Variants in CATSPERE observed in about 807,000 individuals in gnomAD.
CATSPERE encodes the protein catsper channel auxiliary subunit epsilon.
CATSPERE carries 93 observed loss-of-function variants against 114.1 expected under a neutral mutation model. The observed-to-expected ratio is 0.81, with a 90% CI of 0.69 to 0.97. The LOEUF (loss-of-function observed/expected upper bound fraction) is 0.97, where lower values mean the gene tolerates loss of function less well. CATSPERE is among the 50% of genes least tolerant of loss of function. CATSPERE has a pLI of 0.00. For synonymous variants in CATSPERE, 341 were observed against 384.1 expected, an observed-to-expected ratio of 0.89 and a Z score of 1.31; for missense variants, 1,058 against 1,131.6, an observed-to-expected ratio of 0.93 and a Z score of 0.93.
intron 18 of CATSPERE, among the ~76,000 whole-genome samples, chr1:244,609,260 G>A (rs1670403780): frequency 6.6e-6 from 1 of 151,896 alleles, no homozygotes; most frequent in South Asian, 2.1e-4. Context: ...ATGAAATGTA[G>A]ATACAAAACA....
intron 19 of CATSPERE, 83 bp downstream of exon 19, chr1:244,610,409 A>G: frequency 1.1e-6 from 1 of 952,232 alleles, no homozygotes; most frequent in African/African-American, 1.6e-5. Flanking sequence ...TGATGGAAAC[A>G]TTTTGGATTT....
intron 21 of CATSPERE, among the ~76,000 whole-genome samples, chr1:244,637,032 T>G (rs1265496325): frequency 6.6e-6 from 1 of 151,838 alleles, no homozygotes; most frequent in African/African-American, 2.4e-5. Context: ...CCTCCCTCTC[T>G]CTCCTTGGGG....
intron 6 of CATSPERE, among the ~76,000 whole-genome samples, chr1:244,497,679 C>T (rs1344254930): frequency 1.3e-5 from 2 of 152,130 alleles, no homozygotes; most frequent in Non-Finnish European, 2.9e-5. Flanking sequence ...CACCTGTAAT[C>T]CCAGCTACTC....
At chr1:244,521,785 A>C (rs1677616634) in intron 8 of CATSPERE, among the ~76,000 whole-genome samples, 1 of 152,236 alleles carries the variant, frequency 6.6e-6, no homozygotes, top group Admixed American at 6.5e-5. Context: ...CTCATTGATG[A>C]ATACATGACC....
At chr1:244,512,295 C>G (rs372413388) in intron 7 of CATSPERE, among the ~76,000 whole-genome samples, 5 of 152,232 alleles carry the variant, frequency 3.3e-5, no homozygotes, top group Admixed American at 6.5e-5. Flanking sequence ...TTCAGAAATT[C>G]TTTCTTCTGC....
chr1:244,490,433 CT>C lies in CATSPERE; in HGVS notation c.327-9del. 1 of 1,534,924 alleles carries C rather than the reference CT, an allele frequency of 6.5e-7. No homozygotes were observed. Among genetic ancestry groups the C allele is most frequent in the Non-Finnish European group, 9.0e-7 (1 of 1,114,982 alleles). ...GGCTGTTTACTAAAATATGTTTCCTCTTTTTCCAAGCAGACATTTCTTTAAC... is the reference window on the plus strand; with the variant it reads ...GGCTGTTTACTAAAATATGTTTCCTCTTTTCCAAGCAGACATTTCTTTAAC... On this transcript the variant is annotated splice_polypyrimidine_tract_variant and intron_variant, in intron 5 of 21. Transcript: ENST00000366534.
At chr1:244,524,414 G>C (rs1337413748) in intron 8 of CATSPERE, among the ~76,000 whole-genome samples, 3 of 150,314 alleles carry the variant, frequency 2.0e-5, no homozygotes, top group Admixed American at 2.0e-4. Flanking sequence ...TTACCATTCA[G>C]GACATAGGCG....
At chr1:244,536,637 G>A (rs1418899680) in intron 8 of CATSPERE, among the ~76,000 whole-genome samples, 1 of 152,188 alleles carries the variant, frequency 6.6e-6, no homozygotes, top group Non-Finnish European at 1.5e-5. Context: ...ACCGAGATGG[G>A]GAAGGGGTGA....
chr1:244,540,046 A>G (rs561906936), intron 8 of CATSPERE, among the ~76,000 whole-genome samples: 40 of 151,388 alleles, frequency 2.6e-4, no homozygotes, highest in Middle Eastern at 3.4e-3. Flanking sequence ...CTCACAGCCA[A>G]TATCATACTG....
intron 13 of CATSPERE, 91 bp from the exon 14 acceptor site, chr1:244,588,391 T>A (rs1162571736): frequency 1.1e-6 from 1 of 933,708 alleles, no homozygotes; most frequent in Non-Finnish European, 1.8e-6. Context: ...GTTATTATTT[T>A]AAATCTAAAA....
chr1:244,557,003 T>C (rs928245357), intron 9 of CATSPERE, among the ~76,000 whole-genome samples: 2 of 152,224 alleles, frequency 1.3e-5, no homozygotes, highest in African/African-American at 4.8e-5. Flanking sequence ...TTGTGTTCTT[T>C]GCATTATTAA....
At chr1:244,598,416 G>C (rs145140247) in intron 17 of CATSPERE, 2,549 of 161,872 alleles carry the variant, frequency 0.016, 32 homozygotes, top group Non-Finnish European at 0.025. Flanking sequence ...AAATAAGGCA[G>C]TGACCAATTC....
In CATSPERE at chr1:244,633,949, A is replaced by G. The variant is rs561284705; in HGVS notation, c.2649-1540A>G. ...GTGCGATCTCCGCTCACTGCAACCT[A>G]CGCCTCCCGGTTCAAGCAATTCTCC... On this transcript the variant is annotated intron_variant, in intron 20 of 21. Coordinates refer to ENST00000366534, the MANE Select transcript of CATSPERE (RefSeq NM_001130957.2). This position sits in a 1 kb window ranked among gnomAD's most constrained non-coding sequence, Gnocchi z 4.1. Among the ~76,000 whole-genome samples, 45 of 148,574 alleles carry G rather than the reference A, an allele frequency of 3.0e-4. No homozygotes were observed. The highest frequency in any genetic ancestry group is 1.0e-3 in the African/African-American group (40 of 40,066).
At chr1:244,617,316 T>C (rs1347561085) in intron 19 of CATSPERE, among the ~76,000 whole-genome samples, 2 of 152,222 alleles carry the variant, frequency 1.3e-5, no homozygotes, top group Admixed American at 1.3e-4. Context: ...TGTAATTGTT[T>C]GTAAATACAA....
chr1:244,503,787 T>C (rs1203361007), intron 7 of CATSPERE, among the ~76,000 whole-genome samples: 1 of 152,044 alleles, frequency 6.6e-6, no homozygotes, highest in Non-Finnish European at 1.5e-5. Flanking sequence ...CCCAGGCTAG[T>C]CTCAAACCTC....
chr1:244,531,721 T>C (rs1679632023), intron 8 of CATSPERE, among the ~76,000 whole-genome samples: 1 of 152,214 alleles, frequency 6.6e-6, no homozygotes, highest in Admixed American at 6.5e-5. Flanking sequence ...TGTCATTGAA[T>C]TCGGTTTGTT....
intron 8 of CATSPERE, among the ~76,000 whole-genome samples, chr1:244,526,929 T>C (rs1265973152): frequency 6.6e-6 from 1 of 152,120 alleles, no homozygotes; most frequent in Non-Finnish European, 1.5e-5. Flanking sequence ...AGCAGGTTTT[T>C]ATTAGTGATT....
intron 5 of CATSPERE, among the ~76,000 whole-genome samples, chr1:244,490,136 A>G (rs988914019): frequency 1.3e-5 from 2 of 152,168 alleles, no homozygotes; most frequent in Non-Finnish European, 2.9e-5. Context: ...GGACTTTGAA[A>G]TATTCATTTC....
chr1:244,492,007 C>G (rs898516255), intron 6 of CATSPERE, among the ~76,000 whole-genome samples: 16 of 152,188 alleles, frequency 1.1e-4, no homozygotes, highest in African/African-American at 3.9e-4. Context: ...CCCAATTCTA[C>G]CTGAGGTACA....
Sources: gnomAD v4.1 joint callset for allele counts (sites outside exome capture counted in the v4.1 genomes callset) on GRCh38, gnomAD v4.1.1 for gene constraint, Gnocchi (gnomAD v3.1) non-coding constraint, MANE v1.5 for transcripts, NCBI Gene and HGNC (gene_info 2026-07-23, HGNC 2026-07-21) for gene names.